The following ZFHX3 variants were observed in gnomAD, a reference collection of about 807,000 sequenced individuals.
The protein encoded by ZFHX3 is zinc finger homeobox 3, also known as zinc finger homeobox protein 3.
ZFHX3 carries 42 observed loss-of-function variants against 279.1 expected under a neutral mutation model. That is an observed-to-expected ratio of 0.15 (90% CI 0.12 to 0.19). The LOEUF (loss-of-function observed/expected upper bound fraction) is 0.19. ZFHX3 is among the 10% of genes least tolerant of loss of function. The pLI is 1.00. For synonymous variants in ZFHX3, 2,293 were observed against 1,957.8 expected, an observed-to-expected ratio of 1.17 and a Z score of -4.52; for missense variants, 4,981 against 4,754.0, an observed-to-expected ratio of 1.05 and a Z score of -1.40.
intron 3 of ZFHX3, among the ~76,000 whole-genome samples, chr16:73,335,205 T>G (rs762089607): frequency 6.6e-6 from 1 of 152,128 alleles, no homozygotes; most frequent in African/African-American, 2.4e-5. Context: ...ATTTACCAAG[T>G]GTTACGTGCT....
intron 2 of ZFHX3, among the ~76,000 whole-genome samples, chr16:73,586,464 A>AT (rs2051928094): frequency 6.6e-6 from 1 of 151,896 alleles, no homozygotes; most frequent in Non-Finnish European, 1.5e-5. Flanking sequence ...AAAAAAAAAA[A>AT]CCATAAATGA....
At chr16:73,600,089 A>G (rs1214147795) in intron 2 of ZFHX3, among the ~76,000 whole-genome samples, 1 of 152,212 alleles carries the variant, frequency 6.6e-6, no homozygotes, top group Non-Finnish European at 1.5e-5. Context: ...TTGTAAGGGA[A>G]TTCTGAGATG....
chr16:73,691,587 C>G (rs530683115), intron 1 of ZFHX3, among the ~76,000 whole-genome samples: 1 of 152,204 alleles, frequency 6.6e-6, no homozygotes, highest in South Asian at 2.1e-4. Context: ...ATATTGTACC[C>G]GATAATCGAT....
At chr16:73,150,892 G>A (rs967452605) in intron 5 of ZFHX3, among the ~76,000 whole-genome samples, 5 of 152,084 alleles carry the variant, frequency 3.3e-5, no homozygotes, top group African/African-American at 1.2e-4. Context: ...AATAATCACT[G>A]GCACAACTCA....
At chr16:73,265,243 G>A (rs1567434514) in intron 4 of ZFHX3, among the ~76,000 whole-genome samples, 2 of 152,280 alleles carry the variant, frequency 1.3e-5, no homozygotes, top group East Asian at 3.9e-4. Flanking sequence ...GGGAACACCT[G>A]ATTGTGGAGA....
At chr16:73,518,693 C>A (rs368627666) in intron 2 of ZFHX3, among the ~76,000 whole-genome samples, 4 of 151,844 alleles carry the variant, frequency 2.6e-5, no homozygotes, top group African/African-American at 9.7e-5. Context: ...CAGGTTTTGC[C>A]GAAAGAAAAA....
rs1156523996 is a variant in ZFHX3, at chr16:73,170,223, G to GTTTTTTTTTTTTTTTT, written c.-1103-26408_-1103-26393dup. 2.4e-3 allele frequency among the ~76,000 whole-genome samples: 138 copies of GTTTTTTTTTTTTTTTT among 57,746 alleles called. 24 individuals are homozygous for GTTTTTTTTTTTTTTTT. Among genetic ancestry groups the GTTTTTTTTTTTTTTTT allele is most frequent in the Non-Finnish European group, 2.9e-3 (99 of 33,930 alleles). 37.9% of individuals were successfully genotyped at this position (57,746 alleles called of 152,430 possible). A position where few individuals can be genotyped will look rare whatever the true frequency, so the allele number is the denominator to read the frequency against. On this transcript the variant is annotated intron_variant, in intron 5 of 17. Transcript: ENST00000641206. ...TTTTTGAAGCATCTTCCTTTCACTAGTTTTTTTTTTTTTTTTTTTTTTTTT... is the reference window on the plus strand; with the variant it reads ...TTTTTGAAGCATCTTCCTTTCACTAGTTTTTTTTTTTTTTTTTTTTTTTTTTTTTTTTTTTTTTTTT...
chr16:72,955,600 G>A (rs544981576), intron 2 of ZFHX3, among the ~76,000 whole-genome samples: 43 of 152,214 alleles, frequency 2.8e-4, no homozygotes, highest in Non-Finnish European at 4.9e-4. Flanking sequence ...CCAAGATGGT[G>A]AAGCCCCATC....
At chr16:72,829,605 G>A (rs1015432066) in intron 5 of ZFHX3, 174 bp downstream of exon 5, 5 of 639,110 alleles carry the variant, frequency 7.8e-6, no homozygotes, top group Non-Finnish European at 1.4e-5. Context: ...GAAGAATAAA[G>A]GTGACTGCTC....
intron 4 of ZFHX3, among the ~76,000 whole-genome samples, chr16:72,868,981 T>C (rs1384770160): frequency 1.3e-5 from 2 of 152,238 alleles, no homozygotes; most frequent in South Asian, 2.1e-4. Flanking sequence ...ATCAGAAGGC[T>C]GTATTTCCAA....
chr16:73,518,940 G>T (rs1182251822), intron 2 of ZFHX3, among the ~76,000 whole-genome samples: 3 of 152,198 alleles, frequency 2.0e-5, no homozygotes, highest in Non-Finnish European at 4.4e-5. Context: ...AGGCAAAGCA[G>T]CGAAGGCAAG....
At position 72,811,593 on chromosome 16, in the gene ZFHX3, T is replaced by G. The variant is rs1171039457; in HGVS notation, c.3848A>C (p.Glu1283Ala). Residue 1283 changes from glutamate (E) to alanine (A), a missense_variant, in exon 7 of 10, where the codon GAG becomes GCG. Glu to Ala is a moderately radical substitution (Grantham distance 107). This residue lies in a region of ZFHX3 where 1,751 missense variants were observed against 1,770.0 expected (regional missense o/e 0.99). Transcript: ENST00000268489. The part of the protein sequence containing the change: ...HLHSVAPDCV[E>A]KLIMTVTTPE... ...CTGCCTTACCGTCATAATGAGCTTC[T>G]CCACGCAGTCAGGTGCCACGCTGTG... is the stretch of plus-strand genomic sequence containing the variant. The G allele has an allele frequency of 6.3e-7, 1 of 1,599,384 alleles. No individual in the cohort carries two copies. Among genetic ancestry groups the G allele is most frequent in the Non-Finnish European group, 8.5e-7 (1 of 1,171,056 alleles).
intron 3 of ZFHX3, among the ~76,000 whole-genome samples, chr16:72,909,935 T>G (rs1452514305): frequency 2.2e-5 from 3 of 138,716 alleles, no homozygotes; most frequent in Non-Finnish European, 4.7e-5. Flanking sequence ...CATATGCAAA[T>G]AAGCTGTTTC....
At chr16:73,508,740 G>A (rs1433105119) in intron 2 of ZFHX3, among the ~76,000 whole-genome samples, 1 of 152,178 alleles carries the variant, frequency 6.6e-6, no homozygotes, top group African/African-American at 2.4e-5. Flanking sequence ...ATATATTATT[G>A]TCCAGACACG....
intron 2 of ZFHX3, among the ~76,000 whole-genome samples, chr16:73,473,339 C>CAAAAAAAAAAAAAAAAAAAAAAAA (rs11347779): frequency 1.6e-4 from 12 of 76,654 alleles, no homozygotes; most frequent in African/African-American, 2.9e-4. Flanking sequence ...TGTCTCAAAG[C>CAAAAAAAAAAAAAAAAAAAAAAAA]AAAAAAAAAA....
intron 4 of ZFHX3, among the ~76,000 whole-genome samples, chr16:72,833,068 G>A (rs13337721): frequency 0.031 from 4,671 of 152,290 alleles, 258 homozygotes; most frequent in African/African-American, 0.11. Context: ...TCAGGCCCAC[G>A]ATGCTTTGCA....
intron 2 of ZFHX3, among the ~76,000 whole-genome samples, chr16:73,642,945 C>T (rs939050048): frequency 1.3e-5 from 2 of 151,984 alleles, no homozygotes; most frequent in Non-Finnish European, 2.9e-5. Context: ...TGGTGGGGTA[C>T]GATGGAAAAT....
chr16:73,387,862 T>C (rs767033344), intron 3 of ZFHX3, among the ~76,000 whole-genome samples: 17 of 152,064 alleles, frequency 1.1e-4, no homozygotes, highest in Non-Finnish European at 2.5e-4. Context: ...AGAGATCATG[T>C]ATGACAGTCC....
At position 72,829,803 on chromosome 16, in the gene ZFHX3, G is replaced by A. The variant is rs1238570851; in HGVS notation, c.3505C>T (p.Leu1169Phe). The change falls in exon 5 of 10, where the codon CTT becomes TTT. Residue 1169 changes from leucine to phenylalanine, a missense_variant. This residue lies in a region of ZFHX3 where 1,751 missense variants were observed against 1,770.0 expected (regional missense o/e 0.99). Coordinates refer to ENST00000268489, the MANE Select transcript of ZFHX3 (RefSeq NM_006885.4). ...CCTCCGCCCTCTTGGTCCTTAGCAA[G>A]CTCCTCTGGATCAGCAGCTGTTTCA... ...PSETAADPEELAKDQEGGASS... is the reference protein window; with the variant it reads ...PSETAADPEEFAKDQEGGASS... The A allele has an allele frequency of 4.3e-6, 7 of 1,614,218 alleles. No homozygotes were observed. Among genetic ancestry groups the A allele is most frequent in the Non-Finnish European group, 5.9e-6 (7 of 1,180,048 alleles).
Sources: allele counts gnomAD v4.1 joint callset (sites outside exome capture counted in the v4.1 genomes callset), GRCh38; gene constraint gnomAD v4.1.1; regional missense constraint gnomAD v4.1.1; transcripts MANE v1.5; gene names NCBI Gene and HGNC (gene_info 2026-07-23, HGNC 2026-07-21).